The following MELK variants were observed in gnomAD, a reference collection of about 807,000 sequenced individuals.
MELK encodes pEg3 kinase.
A neutral mutation model predicts 85.0 loss-of-function variants in MELK; 81 were observed. The ratio of observed to expected loss-of-function variants is 0.95; its 90% CI spans 0.80 to 1.15. MELK has a LOEUF of 1.15. Among genes scored for constraint, MELK ranks in the 50% most tolerant of loss-of-function variants. The pLI is 0.00. For missense variants in MELK, 754 were observed against 777.5 expected (o/e 0.97, Z 0.36); for synonymous variants, 252 against 265.0 (o/e 0.95, Z 0.48).
intron 8 of MELK, 120 bp from the exon 9 acceptor site, chr9:36,630,179 C>A: frequency 1.4e-6 from 1 of 739,434 alleles, no homozygotes; most frequent in South Asian, 1.7e-5. Flanking sequence ...TAATGTTTAC[C>A]AAGTATTGTA....
At chr9:36,589,151 A>G (rs537601067) in intron 3 of MELK, among the ~76,000 whole-genome samples, 2 of 151,788 alleles carry the variant, frequency 1.3e-5, no homozygotes, top group African/African-American at 4.8e-5. Flanking sequence ...TTTGCTACTT[A>G]GTATTTTTTT....
At chr9:36,642,145 G>C (rs1829813154) in intron 10 of MELK, among the ~76,000 whole-genome samples, 2 of 152,088 alleles carry the variant, frequency 1.3e-5, no homozygotes, top group African/African-American at 2.4e-5. Context: ...ATTTTGTATA[G>C]AGGCTCTTAC....
Position 36,589,518 on chromosome 9 carries a change from T to C in MELK, c.145-18T>C. ...CTGAATAAGTTTATTGCTCATTCCA[T>C]ATGATGTTTTGTCACAGAGTGATTT... On this transcript the variant is annotated intron_variant, in intron 3 of 17. Coordinates refer to ENST00000298048, the MANE Select transcript of MELK (RefSeq NM_014791.4). 6.4e-7 allele frequency: 1 copy of C among 1,573,026 alleles called. No individual in the cohort carries two copies. Among genetic ancestry groups the C allele is most frequent in the East Asian group, 2.2e-5 (1 of 44,620 alleles).
At chr9:36,674,488 G>T (rs1833165437) in intron 16 of MELK, among the ~76,000 whole-genome samples, 1 of 152,160 alleles carries the variant, frequency 6.6e-6, no homozygotes, top group Non-Finnish European at 1.5e-5. Context: ...TTTCAGGACT[G>T]TTAATGTCTC....
chr9:36,607,721 G>A lies in MELK; in HGVS notation c.666+48G>A, dbSNP rs1418196014. The A allele has an allele frequency of 4.9e-6, 6 of 1,219,282 alleles. 1 individual carries two copies. Among genetic ancestry groups the A allele is most frequent in the South Asian group, 3.7e-5 (3 of 81,956 alleles). 75.5% of individuals were successfully genotyped at this position (1,219,282 alleles called of 1,614,324 possible). On this transcript the variant is annotated intron_variant, in intron 8 of 17. Coordinates refer to ENST00000298048, the MANE Select transcript of MELK (RefSeq NM_014791.4). ...TTTCAATGTAGAACTTTTCTATACC[G>A]AATAGTATATGCTTTCATTCATAAA...
intron 7 of MELK, among the ~76,000 whole-genome samples, chr9:36,604,073 G>A (rs1426445947): frequency 6.6e-5 from 10 of 151,212 alleles, no homozygotes; most frequent in Non-Finnish European, 1.0e-4. Context: ...GAGTTCAAGC[G>A]ATTCTCCTGC....
intron 8 of MELK, 57 bp downstream of exon 8, chr9:36,607,730 A>G: frequency 1.8e-6 from 2 of 1,141,446 alleles, no homozygotes; most frequent in Non-Finnish European, 2.6e-6. Context: ...CGAATAGTAT[A>G]TGCTTTCATT....
At chr9:36,656,057 G>A (rs1253147989) in intron 12 of MELK, among the ~76,000 whole-genome samples, 1 of 152,178 alleles carries the variant, frequency 6.6e-6, no homozygotes, top group Non-Finnish European at 1.5e-5. Context: ...CCACAGTCTT[G>A]AATTCAGGGT....
chr9:36,669,557 T>G, intron 15 of MELK, 151 bp downstream of exon 15: 4 of 533,956 alleles, frequency 7.5e-6, no homozygotes, highest in Non-Finnish European at 9.4e-6. Flanking sequence ...CCTGTGGCCA[T>G]TCCTGGACCT....
At chr9:36,676,824 G>A (rs557070527) in intron 17 of MELK, among the ~76,000 whole-genome samples, 21 of 152,102 alleles carry the variant, frequency 1.4e-4, no homozygotes, top group Non-Finnish European at 8.8e-5. Context: ...CAATGTTTGC[G>A]GATTACACGT....
intron 11 of MELK, among the ~76,000 whole-genome samples, chr9:36,651,134 G>C (rs1830660800): frequency 6.6e-6 from 1 of 152,068 alleles, no homozygotes; most frequent in Non-Finnish European, 1.5e-5. Flanking sequence ...ATGTTGCCCT[G>C]TTACTTCCCT....
intron 13 of MELK, among the ~76,000 whole-genome samples, chr9:36,663,418 G>A (rs1397408521): frequency 1.3e-5 from 2 of 152,140 alleles, no homozygotes; most frequent in South Asian, 2.1e-4. Context: ...AATTTATAGA[G>A]TACAAGTACA....
chr9:36,573,752 C>T (rs746140049), intron 1 of MELK, among the ~76,000 whole-genome samples: 2 of 152,146 alleles, frequency 1.3e-5, no homozygotes, highest in Non-Finnish European at 2.9e-5. Context: ...GGTGATCCGC[C>T]CGCCTTGGCC....
At chr9:36,594,376 C>T (rs963042062) in intron 4 of MELK, among the ~76,000 whole-genome samples, 3 of 152,128 alleles carry the variant, frequency 2.0e-5, no homozygotes, top group African/African-American at 7.2e-5. Context: ...TTTAAAATCA[C>T]AGTGGTAGTT....
chr9:36,616,062 C>T (rs1024320594), intron 8 of MELK, among the ~76,000 whole-genome samples: 35 of 152,260 alleles, frequency 2.3e-4, no homozygotes, highest in African/African-American at 5.1e-4. Context: ...CGCTGCTTCC[C>T]GGGCGGCGCT....
chr9:36,649,126 T>C (rs552277243), intron 11 of MELK, among the ~76,000 whole-genome samples: 2 of 152,312 alleles, frequency 1.3e-5, no homozygotes, highest in Admixed American at 1.3e-4. Flanking sequence ...ATCTAAAATG[T>C]GACCACAGAA....
chr9:36,579,152 C>T (rs570952203), intron 1 of MELK, among the ~76,000 whole-genome samples: 10 of 152,308 alleles, frequency 6.6e-5, no homozygotes, highest in South Asian at 6.2e-4. Flanking sequence ...CTCAGCCTCC[C>T]GAGTAGCTGG....
chr9:36,573,798 C>T (rs1821350211), intron 1 of MELK, among the ~76,000 whole-genome samples: 1 of 152,140 alleles, frequency 6.6e-6, no homozygotes, highest in Non-Finnish European at 1.5e-5. Context: ...TGAGCCACCA[C>T]GCCCGGCCTA....
chr9:36,606,438 GTATATAA>G (rs1373816241), intron 7 of MELK, among the ~76,000 whole-genome samples: 1 of 123,634 alleles, frequency 8.1e-6, no homozygotes, highest in Non-Finnish European at 1.6e-5. Context: ...GTATAGGTGT[GTATATAA>G]TATATACATA....
Sources: allele counts gnomAD v4.1 joint callset (sites outside exome capture counted in the v4.1 genomes callset), GRCh38; gene constraint gnomAD v4.1.1; transcripts MANE v1.5; gene names NCBI Gene and HGNC (gene_info 2026-07-23, HGNC 2026-07-21).